The following FAM107A variants were observed in gnomAD, a reference collection of about 807,000 sequenced individuals.
The protein encoded by FAM107A is family with sequence similarity 107 member A, also known as actin-associated protein FAM107A.
Under a neutral mutation model 13.7 loss-of-function variants are expected in FAM107A, and 19 were observed. The ratio of observed to expected loss-of-function variants is 1.38; its 90% CI spans 0.97 to 2.03. The LOEUF is 2.03. FAM107A is among the 30% of genes most tolerant of loss of function. The pLI is 0.00. For synonymous variants in FAM107A, 82 were observed against 74.5 expected (o/e 1.10, Z -0.52); for missense variants, 203 against 184.4 (o/e 1.10, Z -0.58).
chr3:58,613,021 C>T lies in FAM107A; in HGVS notation c.-70+14395G>A, dbSNP rs1423025261. Among the ~76,000 whole-genome samples, 7 of 152,064 alleles carry T rather than the reference C, an allele frequency of 4.6e-5. No individual in the cohort carries two copies. The highest frequency in any genetic ancestry group is 2.1e-4 in the South Asian group (1 of 4,818). ...GAACAGTTTCTACTGCTGTCCTTCC[C>T]GTTACCTCCTCCAATGGGGCTTCAG... On this transcript the variant is annotated intron_variant, in intron 1 of 3. Coordinates refer to the FAM107A transcript ENST00000465970. This position sits in a 1 kb window ranked among gnomAD's most constrained non-coding sequence, Gnocchi z 4.6.
At chr3:58,624,687 C>T (rs1488097163) in intron 1 of FAM107A, among the ~76,000 whole-genome samples, 1 of 152,158 alleles carries the variant, frequency 6.6e-6, no homozygotes, top group Non-Finnish European at 1.5e-5. Flanking sequence ...AGCCTATGCC[C>T]CTGACATTCC....
In FAM107A at chr3:58,617,392, G is replaced by C. The variant is rs1156323339; in HGVS notation, c.-70+10024C>G. Reference sequence around the variant, plus strand: ...ACATCATCCCTATGGGACACCTCAGGCCCCGTCCTGAGCTTCCTGAGGAGC... The same window carrying C: ...ACATCATCCCTATGGGACACCTCAGCCCCCGTCCTGAGCTTCCTGAGGAGC... On this transcript the variant is annotated intron_variant, in intron 1 of 3. Coordinates refer to the FAM107A transcript ENST00000465970. The surrounding 1 kb of genome is among the most constrained non-coding windows in gnomAD (Gnocchi z 4.5). 6.6e-6 allele frequency among the ~76,000 whole-genome samples: 1 copy of C among 152,058 alleles called. No homozygotes were observed. Among genetic ancestry groups the C allele is most frequent in the Non-Finnish European group, 1.5e-5 (1 of 68,010 alleles).
chr3:58,592,701 G>A (rs2065663720), intron 1 of FAM107A, among the ~76,000 whole-genome samples: 1 of 152,162 alleles, frequency 6.6e-6, no homozygotes, highest in South Asian at 2.1e-4. Context: ...CGGACTAATG[G>A]TCTTTTAAAG....
intron 3 of FAM107A, chr3:58,566,936 C>T: frequency 4.9e-6 from 3 of 607,738 alleles, no homozygotes; most frequent in Non-Finnish European, 8.7e-6. Flanking sequence ...AATGGGAATG[C>T]CACCTGGCTC....
In FAM107A at chr3:58,613,929, GCCT is replaced by G. The variant is rs2065877895; in HGVS notation, c.-70+13484_-70+13486del. The stretch of plus-strand genomic sequence containing the variant: ...CCTGCAGGTGCCACAACTCCCTGCA[GCCT>G]GCTGTACCTGGGAAGTGCCAGTGGG... On this transcript the variant is annotated intron_variant, in intron 1 of 3. Coordinates refer to the FAM107A transcript ENST00000465970. The surrounding 1 kb of genome is among the most constrained non-coding windows in gnomAD (Gnocchi z 4.6). 6.6e-6 allele frequency among the ~76,000 whole-genome samples: 1 copy of G among 152,226 alleles called. No individual in the cohort carries two copies. The highest frequency in any genetic ancestry group is 1.5e-5 in the Non-Finnish European group (1 of 68,036).
intron 3 of FAM107A, chr3:58,566,913 TC>T (rs1364230406): frequency 9.9e-6 from 6 of 606,832 alleles, no homozygotes; most frequent in Non-Finnish European, 1.2e-5. Flanking sequence ...GGCCTCAGCT[TC>T]CCCATCTCTA....
rs114436483 is a variant in FAM107A at position 58,618,290 on chromosome 3, G to A, written c.-70+9126C>T. 1.9e-3 allele frequency among the ~76,000 whole-genome samples: 294 copies of A among 152,316 alleles called. 2 individuals are homozygous for A. Among genetic ancestry groups the A allele is most frequent in the African/African-American group, 6.9e-3 (287 of 41,584 alleles). On this transcript the variant is annotated intron_variant, in intron 1 of 3. Coordinates refer to the FAM107A transcript ENST00000465970. ...TCTGAGCCCTTCATGGCTGTGAAAT[G>A]GGGAAAACTACCCATGCCAGGCTGC...
Position 58,566,217 on chromosome 3 carries a change from T to C in FAM107A, c.*371A>G, listed in dbSNP as rs571037404. ...TGGGGTGTACGGAGAAGCGGGGCCC[T>C]GGGGAGCCTCGGAGATTCCTGGTGG... is the stretch of plus-strand genomic sequence containing the variant. On this transcript the variant is annotated 3_prime_UTR_variant, in exon 4 of 4. Transcript: ENST00000360997. 155 of 183,922 alleles carry C rather than the reference T, an allele frequency of 8.4e-4. No homozygotes were observed. Among genetic ancestry groups the C allele is most frequent in the African/African-American group, 3.4e-3 (143 of 42,640 alleles). 11.4% of individuals were successfully genotyped at this position (183,922 alleles called of 1,614,324 possible). A position where few individuals can be genotyped will look rare whatever the true frequency, so the allele number is the denominator to read the frequency against.
upstream of FAM107A, chr3:58,589,232 T>G: frequency 6.5e-7 from 1 of 1,535,424 alleles, no homozygotes; most frequent in South Asian, 1.2e-5. Flanking sequence ...CTGCTTCTCA[T>G]TTTCACTATG....
chr3:58,568,053 C>T (rs959292615), intron 2 of FAM107A, among the ~76,000 whole-genome samples: 6 of 152,092 alleles, frequency 3.9e-5, no homozygotes, highest in Admixed American at 1.3e-4. Context: ...CCTCCTGCCT[C>T]GGCCTCCCAA....
upstream of FAM107A, among the ~76,000 whole-genome samples, chr3:58,588,890 T>G (rs2065632250): frequency 6.6e-6 from 1 of 152,126 alleles, no homozygotes; most frequent in South Asian, 2.1e-4. Flanking sequence ...CTTCCAGTGA[T>G]CCACCTGCCT....
At chr3:58,572,329 G>A (rs4681866) in intron 1 of FAM107A, among the ~76,000 whole-genome samples, 61,732 of 151,972 alleles carry the variant, frequency 0.41, 13,188 homozygotes, top group East Asian at 0.49. Context: ...CAATGAAAAC[G>A]AAAGACCACA....
chr3:58,566,520 A>T lies in FAM107A; in HGVS notation c.*68T>A. On this transcript the variant is annotated 3_prime_UTR_variant, in exon 4 of 4. Coordinates refer to ENST00000360997, the MANE Select transcript of FAM107A (RefSeq NM_001076778.3). ...CCAGGGCCTGGGGCCCAGGGCTGCC[A>T]GGTACAGAAGGGCTGAAGGAGGCTG... 1 of 1,111,252 alleles carries T rather than the reference A, an allele frequency of 9.0e-7. No homozygotes were observed. The highest frequency in any genetic ancestry group is 1.4e-6 in the Non-Finnish European group (1 of 730,454). The allele number at this position is 1,111,252 out of a possible 1,614,324, so 68.8% of individuals were successfully genotyped here.
intron 1 of FAM107A, chr3:58,586,829 G>A (rs1264283498): frequency 1.3e-6 from 2 of 1,517,640 alleles, no homozygotes; most frequent in African/African-American, 2.8e-5. Context: ...CCCACTTCCC[G>A]CGGCGAGGGT....
intron 1 of FAM107A, among the ~76,000 whole-genome samples, chr3:58,601,609 A>G (rs553453094): frequency 1.3e-5 from 2 of 152,338 alleles, no homozygotes; most frequent in African/African-American, 2.4e-5. Context: ...AATATCCCAC[A>G]TGTATCTTTC....
At chr3:58,571,827 G>T (rs887717377) in intron 1 of FAM107A, among the ~76,000 whole-genome samples, 1 of 152,094 alleles carries the variant, frequency 6.6e-6, no homozygotes, top group Non-Finnish European at 1.5e-5. Context: ...AACTACTTTG[G>T]CTCCCCAGCT....
At chr3:58,616,558 CACA>C in intron 1 of FAM107A, among the ~76,000 whole-genome samples, 1 of 150,960 alleles carries the variant, frequency 6.6e-6, no homozygotes, top group Admixed American at 6.6e-5. Context: ...CACACACACA[CACA>C]CACACACCAC....
At chr3:58,567,709 T>C (rs2063637086) in intron 2 of FAM107A, among the ~76,000 whole-genome samples, 1 of 152,180 alleles carries the variant, frequency 6.6e-6, no homozygotes, top group Non-Finnish European at 1.5e-5. Flanking sequence ...AGATTTGAGG[T>C]ACATATATCT....
chr3:58,570,630 A>C (rs980632484), intron 1 of FAM107A, among the ~76,000 whole-genome samples: 1 of 126,498 alleles, frequency 7.9e-6, no homozygotes, highest in Non-Finnish European at 1.7e-5. Flanking sequence ...AGAGAGAGAG[A>C]GAGAGAAAGA....
Sources: gnomAD v4.1 joint callset for allele counts (sites outside exome capture counted in the v4.1 genomes callset) on GRCh38, gnomAD v4.1.1 for gene constraint, Gnocchi (gnomAD v3.1) non-coding constraint, MANE v1.5 for transcripts, NCBI Gene and HGNC (gene_info 2026-07-23, HGNC 2026-07-21) for gene names.